CCDC178: variants seen among roughly 807,000 people sequenced by gnomAD.
The protein encoded by CCDC178 is coiled-coil domain containing 178.
CCDC178 carries 126 observed loss-of-function variants against 117.4 expected under a neutral mutation model. The ratio of observed to expected loss-of-function variants is 1.07; its 90% CI spans 0.93 to 1.24. The LOEUF (loss-of-function observed/expected upper bound fraction) is 1.24. CCDC178 is among the 50% of genes most tolerant of loss of function. The pLI is 0.00. For missense variants in CCDC178, 1,030 were observed against 986.9 expected, an observed-to-expected ratio of 1.04 and a Z score of -0.59; for synonymous variants, 283 against 313.4, an observed-to-expected ratio of 0.90 and a Z score of 1.02.
intron 11 of CCDC178, among the ~76,000 whole-genome samples, chr18:33,319,750 A>T (rs2062477190): frequency 1.3e-5 from 2 of 152,178 alleles, no homozygotes; most frequent in African/African-American, 4.8e-5. Context: ...GTGAGATGGT[A>T]TCTCATTGTG....
At chr18:33,276,596 C>T (rs1458899796) in intron 12 of CCDC178, among the ~76,000 whole-genome samples, 3 of 151,924 alleles carry the variant, frequency 2.0e-5, no homozygotes, top group Non-Finnish European at 4.4e-5. Context: ...AAAAGGTTTC[C>T]AAGGCTAAGG....
intron 21 of CCDC178, among the ~76,000 whole-genome samples, chr18:33,084,623 C>G (rs2057348233): frequency 6.6e-6 from 1 of 151,662 alleles, no homozygotes; most frequent in Non-Finnish European, 1.5e-5. Context: ...CCAGCCTGGC[C>G]AACATACTGA....
intron 3 of CCDC178, 99 bp downstream of exon 3, chr18:33,411,932 A>G: frequency 3.5e-6 from 2 of 577,776 alleles, no homozygotes; most frequent in Non-Finnish European, 5.9e-6. Context: ...TTATCTTGGA[A>G]AAGATTACTA....
At chr18:33,073,338 C>T (rs2057142536) in intron 21 of CCDC178, among the ~76,000 whole-genome samples, 1 of 151,804 alleles carries the variant, frequency 6.6e-6, no homozygotes. Context: ...TGTGAAAATA[C>T]CTTAATTTTC....
chr18:33,073,277 C>A (rs1316522160), intron 21 of CCDC178, among the ~76,000 whole-genome samples: 1 of 151,764 alleles, frequency 6.6e-6, no homozygotes, highest in African/African-American at 2.4e-5. Context: ...ATAATAAAAT[C>A]TAATAATATG....
intron 11 of CCDC178, among the ~76,000 whole-genome samples, chr18:33,316,640 G>A (rs1391157618): frequency 6.6e-6 from 1 of 151,926 alleles, no homozygotes; most frequent in African/African-American, 2.4e-5. Flanking sequence ...TGGGGACTTA[G>A]AGAACCTTTA....
intron 21 of CCDC178, among the ~76,000 whole-genome samples, chr18:33,040,548 G>A (rs570458820): frequency 6.6e-6 from 1 of 152,056 alleles, no homozygotes; most frequent in East Asian, 1.9e-4. Context: ...GTCCAGAATG[G>A]TCATCTTCTA....
chr18:33,169,685 C>T (rs2058574996), intron 20 of CCDC178, among the ~76,000 whole-genome samples: 1 of 152,000 alleles, frequency 6.6e-6, no homozygotes, highest in African/African-American at 2.4e-5. Flanking sequence ...AGGCTAGATA[C>T]CAGTGTGCTG....
intron 15 of CCDC178, among the ~76,000 whole-genome samples, chr18:33,239,624 T>C (rs1185924144): frequency 6.6e-6 from 1 of 150,914 alleles, no homozygotes; most frequent in Admixed American, 6.6e-5. Flanking sequence ...GGAAAACATA[T>C]ACTAAAAAAG....
chr18:33,237,348 C>T (rs1425643424), intron 15 of CCDC178, among the ~76,000 whole-genome samples: 2 of 152,104 alleles, frequency 1.3e-5, no homozygotes, highest in Non-Finnish European at 2.9e-5. Flanking sequence ...CTTGAACCAG[C>T]CAAACTAGTG....
chr18:32,982,950 A>G (rs1252513949), intron 21 of CCDC178, among the ~76,000 whole-genome samples: 1 of 152,082 alleles, frequency 6.6e-6, no homozygotes, highest in Non-Finnish European at 1.5e-5. Flanking sequence ...TGAACCCTAA[A>G]GTATGAACTT....
intron 22 of CCDC178, among the ~76,000 whole-genome samples, chr18:32,948,901 G>C (rs562380413): frequency 5.9e-5 from 9 of 152,114 alleles, no homozygotes; most frequent in Admixed American, 3.9e-4. Flanking sequence ...CCTTCTTCCT[G>C]AAAGACTTCA....
chr18:33,062,163 C>T (rs1266082624), intron 21 of CCDC178, among the ~76,000 whole-genome samples: 1 of 152,132 alleles, frequency 6.6e-6, no homozygotes, highest in African/African-American at 2.4e-5. Flanking sequence ...TATATCTTTT[C>T]ATCTTATTTC....
intron 10 of CCDC178, among the ~76,000 whole-genome samples, chr18:33,330,727 G>T (rs1383164780): frequency 6.6e-6 from 1 of 152,034 alleles, no homozygotes; most frequent in Non-Finnish European, 1.5e-5. Flanking sequence ...AAAGACCCAG[G>T]GAAAGGTTGC....
intron 21 of CCDC178, among the ~76,000 whole-genome samples, chr18:33,087,380 G>A (rs2057394850): frequency 6.6e-6 from 1 of 152,180 alleles, no homozygotes; most frequent in Admixed American, 6.6e-5. Flanking sequence ...TCTATCAGCT[G>A]TGTACTCCTG....
chr18:32,938,620 T>C (rs2054171374), intron 22 of CCDC178, among the ~76,000 whole-genome samples: 1 of 152,136 alleles, frequency 6.6e-6, no homozygotes, highest in African/African-American at 2.4e-5. Flanking sequence ...CATGCACACA[T>C]ATACACATAC....
intron 21 of CCDC178, among the ~76,000 whole-genome samples, chr18:33,027,568 T>C (rs1422319761): frequency 6.6e-6 from 1 of 151,680 alleles, no homozygotes; most frequent in Non-Finnish European, 1.5e-5. Flanking sequence ...ATCAACAATA[T>C]AAAGTAAATA....
intron 11 of CCDC178, among the ~76,000 whole-genome samples, chr18:33,321,385 T>C (rs532912983): frequency 6.6e-6 from 1 of 152,170 alleles, no homozygotes; most frequent in Admixed American, 6.5e-5. Context: ...AAAGTAATCT[T>C]AGATGAAAAG....
At chr18:33,191,190 A>G (rs1024890641) in intron 20 of CCDC178, among the ~76,000 whole-genome samples, 1 of 152,122 alleles carries the variant, frequency 6.6e-6, no homozygotes, top group Non-Finnish European at 1.5e-5. Context: ...ATGCCACCAT[A>G]GTGGTACTCT....
Sources: allele counts gnomAD v4.1 joint callset (sites outside exome capture counted in the v4.1 genomes callset), GRCh38; gene constraint gnomAD v4.1.1; transcripts MANE v1.5; gene names NCBI Gene and HGNC (gene_info 2026-07-23, HGNC 2026-07-21).